Variants in CNTNAP4 observed in about 807,000 individuals in gnomAD.
The protein encoded by CNTNAP4 is contactin associated protein family member 4.
In CNTNAP4, 98 loss-of-function variants were observed where a neutral mutation model predicts 148.4. The ratio of observed to expected loss-of-function variants is 0.66; its 90% CI spans 0.56 to 0.78. CNTNAP4 has a LOEUF of 0.78. Ranked by LOEUF, CNTNAP4 falls within the 30% of genes least tolerant of loss-of-function variation. The pLI is 0.00. For missense variants in CNTNAP4, 1,935 were observed against 1,565.6 expected (o/e 1.24, Z -3.98); for synonymous variants, 730 against 565.1 (o/e 1.29, Z -4.14).
intron 10 of CNTNAP4, 24 bp downstream of exon 10, chr16:76,467,547 T>C: frequency 6.4e-7 from 1 of 1,557,918 alleles, no homozygotes; most frequent in Admixed American, 2.1e-5. Context: ...CACTTCATTT[T>C]GACCTGCTTT....
chr16:76,523,997 AGAT>A (rs750697514), intron 17 of CNTNAP4, among the ~76,000 whole-genome samples: 9 of 152,208 alleles, frequency 5.9e-5, no homozygotes, highest in Non-Finnish European at 1.3e-4. Flanking sequence ...AAATTTGATC[AGAT>A]CCCCATTACA....
At chr16:76,450,156 T>C (rs2080405957) in intron 7 of CNTNAP4, among the ~76,000 whole-genome samples, 1 of 152,116 alleles carries the variant, frequency 6.6e-6, no homozygotes, top group African/African-American at 2.4e-5. Flanking sequence ...CTGTATTTTT[T>C]TTTTCTTTTT....
intron 1 of CNTNAP4, among the ~76,000 whole-genome samples, chr16:76,302,968 G>C (rs1336080326): frequency 6.6e-6 from 1 of 152,120 alleles, no homozygotes; most frequent in Non-Finnish European, 1.5e-5. Context: ...TTGTTGGAAA[G>C]AGTCCAGAGC....
intron 12 of CNTNAP4, 92 bp from the exon 13 acceptor site, chr16:76,489,592 CAG>C: frequency 1.6e-6 from 1 of 632,974 alleles, no homozygotes. Context: ...ACATTTGACT[CAG>C]ATAAAAGGTG....
intron 3 of CNTNAP4, among the ~76,000 whole-genome samples, chr16:76,412,588 C>G (rs4410113): frequency 6.6e-6 from 1 of 151,068 alleles, no homozygotes; most frequent in African/African-American, 2.4e-5. Flanking sequence ...GTGCATAACT[C>G]TCACACTTTG....
chr16:76,423,338 G>T (rs2079259741), intron 3 of CNTNAP4, among the ~76,000 whole-genome samples: 1 of 152,070 alleles, frequency 6.6e-6, no homozygotes, highest in Non-Finnish European at 1.5e-5. Flanking sequence ...CACAAAATTA[G>T]CTTGGCATGC....
chr16:76,325,099 C>T (rs1286526710), intron 2 of CNTNAP4, among the ~76,000 whole-genome samples: 1 of 152,084 alleles, frequency 6.6e-6, no homozygotes, highest in Non-Finnish European at 1.5e-5. Context: ...ACATTTTCTG[C>T]ACCAAATAAC....
intron 17 of CNTNAP4, among the ~76,000 whole-genome samples, chr16:76,525,624 GTAGTTTATAAC>G (rs11275259): frequency 0.19 from 26,304 of 141,486 alleles, 2,485 homozygotes; most frequent in Non-Finnish European, 0.22. Context: ...TAGTTTATAT[GTAGTTTATAAC>G]TACATATAAA....
chr16:76,403,337 C>T (rs930771566), intron 3 of CNTNAP4, among the ~76,000 whole-genome samples: 3 of 152,098 alleles, frequency 2.0e-5, no homozygotes, highest in Admixed American at 1.3e-4. Context: ...TCGTGATCCA[C>T]CCACCTCGGC....
chr16:76,437,009 GA>G (rs1258135489), intron 4 of CNTNAP4, among the ~76,000 whole-genome samples: 2 of 120,610 alleles, frequency 1.7e-5, no homozygotes, highest in Non-Finnish European at 3.7e-5. Context: ...GTTTATTAAG[GA>G]GTATTAATTC....
chr16:76,498,723 A>G (rs778536591), intron 15 of CNTNAP4, 29 bp downstream of exon 15: 61 of 1,556,902 alleles, frequency 3.9e-5, no homozygotes, highest in Middle Eastern at 3.4e-4. Flanking sequence ...TTGAAACCGT[A>G]TTTGAGAAAA....
At position 76,560,227 on chromosome 16, in the gene CNTNAP4, T is replaced by C. The variant is rs1233898884; in HGVS notation, c.*1544T>C. On this transcript the variant is annotated 3_prime_UTR_variant, in exon 24 of 24. Transcript: ENST00000611870. ...TCTTAGTTTGTCTACACCAGAAGAATCGGGAAATATGTAAATTTAGCATTA... is the reference window on the plus strand; with the variant it reads ...TCTTAGTTTGTCTACACCAGAAGAACCGGGAAATATGTAAATTTAGCATTA... 2.6e-5 allele frequency among the ~76,000 whole-genome samples: 4 copies of C among 152,206 alleles called. No individual in the cohort carries two copies. The highest frequency in any genetic ancestry group is 9.6e-5 in the African/African-American group (4 of 41,468).
intron 3 of CNTNAP4, among the ~76,000 whole-genome samples, chr16:76,412,093 G>A (rs922230557): frequency 6.6e-6 from 1 of 151,308 alleles, no homozygotes; most frequent in Non-Finnish European, 1.5e-5. Context: ...TTAACATCAT[G>A]CTTATGAAAA....
At chr16:76,397,589 T>C (rs1037989338) in intron 3 of CNTNAP4, among the ~76,000 whole-genome samples, 1 of 152,026 alleles carries the variant, frequency 6.6e-6, no homozygotes, top group African/African-American at 2.4e-5. Context: ...ACATACCTAA[T>C]GGTAGCAGTA....
At chr16:76,552,814 G>C (rs895047500) in intron 21 of CNTNAP4, among the ~76,000 whole-genome samples, 11 of 152,238 alleles carry the variant, frequency 7.2e-5, no homozygotes, top group African/African-American at 2.6e-4. Context: ...TTGTCGGGTT[G>C]GGCATCTGAT....
intron 12 of CNTNAP4, among the ~76,000 whole-genome samples, chr16:76,482,926 C>G (rs2081889199): frequency 6.6e-6 from 1 of 152,144 alleles, no homozygotes; most frequent in Non-Finnish European, 1.5e-5. Context: ...TATGCACTGG[C>G]AACTCTGGTA....
chr16:76,383,413 C>T (rs1258528639), intron 3 of CNTNAP4, among the ~76,000 whole-genome samples: 2 of 131,576 alleles, frequency 1.5e-5, no homozygotes, highest in Non-Finnish European at 3.3e-5. Context: ...AAAAAAAAAA[C>T]GTATCATGTA....
At chr16:76,290,254 T>C (rs542704568) in intron 1 of CNTNAP4, among the ~76,000 whole-genome samples, 1 of 152,280 alleles carries the variant, frequency 6.6e-6, no homozygotes, top group Non-Finnish European at 1.5e-5. Flanking sequence ...CAAAATCCAT[T>C]GTTCTTTGAA....
chr16:76,445,645 GA>G (rs1462615343), intron 4 of CNTNAP4, among the ~76,000 whole-genome samples: 1 of 151,786 alleles, frequency 6.6e-6, no homozygotes, highest in African/African-American at 2.4e-5. Context: ...AGGTGCCACA[GA>G]AGATACATAT....
Sources: allele counts gnomAD v4.1 joint callset (sites outside exome capture counted in the v4.1 genomes callset), GRCh38; gene constraint gnomAD v4.1.1; transcripts MANE v1.5; gene names NCBI Gene and HGNC (gene_info 2026-07-23, HGNC 2026-07-21).